The following KCNK2 variants were observed in gnomAD, a reference collection of about 807,000 sequenced individuals.
KCNK2 encodes the protein potassium two pore domain channel subfamily K member 2.
In KCNK2, 21 loss-of-function variants were observed where a neutral mutation model predicts 40.5. The ratio of observed to expected loss-of-function variants is 0.52; its 90% CI spans 0.37 to 0.75. KCNK2 has a LOEUF of 0.75. Ranked by LOEUF, KCNK2 falls within the 30% of genes least tolerant of loss-of-function variation. The pLI, the probability that KCNK2 is intolerant of heterozygous loss-of-function variation, is 0.00. For missense variants in KCNK2, 399 were observed against 531.6 expected (o/e 0.75, Z 2.45); for synonymous variants, 191 against 202.2 (o/e 0.94, Z 0.47).
chr1:215,021,567 A>G (rs1382876708), intron 1 of KCNK2, among the ~76,000 whole-genome samples: 2 of 100,408 alleles, frequency 2.0e-5, no homozygotes, highest in African/African-American at 5.3e-5. Flanking sequence ...TTTTTTTGAG[A>G]CGGAATCTCG....
intron 1 of KCNK2, among the ~76,000 whole-genome samples, chr1:215,028,845 C>G (rs2102483819): frequency 6.6e-6 from 1 of 152,172 alleles, no homozygotes; most frequent in Admixed American, 6.5e-5. Flanking sequence ...TTCTATACAC[C>G]ATAGACAGAT....
At chr1:215,158,323 G>A (rs1009248589) in intron 3 of KCNK2, among the ~76,000 whole-genome samples, 2 of 152,104 alleles carry the variant, frequency 1.3e-5, no homozygotes, top group African/African-American at 4.8e-5. Flanking sequence ...TGGATTTTGG[G>A]CCATTTTATA....
intron 2 of KCNK2, among the ~76,000 whole-genome samples, chr1:215,100,891 A>G (rs1233905208): frequency 1.3e-5 from 2 of 152,072 alleles, no homozygotes; most frequent in Non-Finnish European, 2.9e-5. Context: ...TTTGCAGTAT[A>G]GTTTTGTGAA....
chr1:215,192,995 T>C (rs1664727543), intron 5 of KCNK2, among the ~76,000 whole-genome samples: 1 of 152,134 alleles, frequency 6.6e-6, no homozygotes, highest in African/African-American at 2.4e-5. Flanking sequence ...AATAATGTTA[T>C]ACTCAGTATT....
At chr1:215,161,677 G>A (rs1158226666) in intron 3 of KCNK2, among the ~76,000 whole-genome samples, 1 of 151,860 alleles carries the variant, frequency 6.6e-6, no homozygotes, top group African/African-American at 2.4e-5. Context: ...AACATGTGGT[G>A]TTTGGTTTTC....
chr1:215,109,822 AT>A (rs1244282469), intron 2 of KCNK2, among the ~76,000 whole-genome samples: 3 of 152,028 alleles, frequency 2.0e-5, no homozygotes, highest in Non-Finnish European at 4.4e-5. Flanking sequence ...GGCTGTACTG[AT>A]TTACATTTCC....
chr1:215,222,269 T>G, intron 6 of KCNK2, among the ~76,000 whole-genome samples: 1 of 115,724 alleles, frequency 8.6e-6, no homozygotes, highest in African/African-American at 3.6e-5. Context: ...AATGCAATCG[T>G]GTAATTTGGA....
At chr1:215,012,322 G>T (rs1444686354) in intron 1 of KCNK2, among the ~76,000 whole-genome samples, 3 of 152,034 alleles carry the variant, frequency 2.0e-5, no homozygotes, top group African/African-American at 7.2e-5. Context: ...GGTATTGATG[G>T]CTTTTTGTTT....
intron 5 of KCNK2, among the ~76,000 whole-genome samples, chr1:215,182,835 A>T (rs1380013418): frequency 6.6e-6 from 1 of 152,160 alleles, no homozygotes; most frequent in Non-Finnish European, 1.5e-5. Context: ...AGCTTTTCCC[A>T]GTGCCTTTCC....
intron 6 of KCNK2, among the ~76,000 whole-genome samples, chr1:215,203,513 T>G (rs1665165833): frequency 6.6e-6 from 1 of 152,030 alleles, no homozygotes; most frequent in Non-Finnish European, 1.5e-5. Context: ...AAATCAATTT[T>G]ATAAAGTTTT....
chr1:215,173,158 C>T (rs2102639186), intron 5 of KCNK2, among the ~76,000 whole-genome samples: 1 of 152,150 alleles, frequency 6.6e-6, no homozygotes, highest in Non-Finnish European at 1.5e-5. Context: ...TGTGATGTTC[C>T]CCTTCCTGTG....
At chr1:215,051,160 C>T (rs1015728346) in intron 1 of KCNK2, among the ~76,000 whole-genome samples, 1 of 152,118 alleles carries the variant, frequency 6.6e-6, no homozygotes, top group Non-Finnish European at 1.5e-5. Context: ...ACCGCCACCT[C>T]GAAATCCTAG....
At chr1:215,055,788 T>G (rs1298331798) in intron 1 of KCNK2, among the ~76,000 whole-genome samples, 2 of 152,214 alleles carry the variant, frequency 1.3e-5, no homozygotes, top group African/African-American at 4.8e-5. Flanking sequence ...GACCTTTTGA[T>G]GTACTTGAGA....
chr1:215,209,262 TAAA>T lies in KCNK2; in HGVS notation c.963+14172_963+14174del, dbSNP rs528553672. On this transcript the variant is annotated intron_variant, in intron 6 of 6. Coordinates refer to ENST00000444842, the MANE Select transcript of KCNK2 (RefSeq NM_001017425.3). ...TATAAATATACACATATCTTATATA[TAAA>T]ATATATAAATATACACATATTTTAT... is the stretch of plus-strand genomic sequence containing the variant. Among the ~76,000 whole-genome samples the T allele has an allele frequency of 5.3e-4, 63 of 119,058 alleles. 1 individual carries two copies. The highest frequency in any genetic ancestry group is 2.1e-3 in the African/African-American group (62 of 29,438). 78.1% of individuals were successfully genotyped at this position (119,058 alleles called of 152,430 possible).
chr1:215,128,699 TG>T (rs1256260441), intron 3 of KCNK2, among the ~76,000 whole-genome samples: 1 of 151,252 alleles, frequency 6.6e-6, no homozygotes, highest in Admixed American at 6.6e-5. Context: ...CCTCCCAGTC[TG>T]TGGCATGACT....
chr1:215,192,882 A>C (rs1012720387), intron 5 of KCNK2, among the ~76,000 whole-genome samples: 1 of 152,194 alleles, frequency 6.6e-6, no homozygotes, highest in Non-Finnish European at 1.5e-5. Context: ...AGAAAGCTGA[A>C]CGATGCCTAT....
At chr1:215,218,847 ATATAT>A (rs144274270) in intron 6 of KCNK2, among the ~76,000 whole-genome samples, 10 of 152,322 alleles carry the variant, frequency 6.6e-5, no homozygotes, top group South Asian at 2.1e-4. Context: ...TTCTGTACTA[ATATAT>A]TATACATGTT....
At chr1:215,131,455 T>G (rs1027107075) in intron 3 of KCNK2, among the ~76,000 whole-genome samples, 1 of 147,152 alleles carries the variant, frequency 6.8e-6, no homozygotes, top group African/African-American at 2.5e-5. Flanking sequence ...CATATATTAT[T>G]TTATATAAAT....
At chr1:215,138,746 G>A (rs2102598230) in intron 3 of KCNK2, among the ~76,000 whole-genome samples, 1 of 152,302 alleles carries the variant, frequency 6.6e-6, no homozygotes, top group East Asian at 1.9e-4. Context: ...AGCCACTCTT[G>A]ATGTGGATGA....
Sources: gnomAD v4.1 joint callset for allele counts (sites outside exome capture counted in the v4.1 genomes callset) on GRCh38, gnomAD v4.1.1 for gene constraint, MANE v1.5 for transcripts, NCBI Gene and HGNC (gene_info 2026-07-23, HGNC 2026-07-21) for gene names.